Variants in SRRM4 observed in about 807,000 individuals in gnomAD.
The protein encoded by SRRM4 is serine/arginine repetitive matrix protein 4.
In SRRM4, 33 loss-of-function variants were observed where a neutral mutation model predicts 68.9. That is an observed-to-expected ratio of 0.48 (90% CI 0.36 to 0.64). The LOEUF (loss-of-function observed/expected upper bound fraction) is 0.64, where lower values mean the gene tolerates loss of function less well. SRRM4 is among the 30% of genes least tolerant of loss of function. The pLI is 0.00. For synonymous variants in SRRM4, 318 were observed against 318.8 expected (o/e 1.00, Z 0.03); for missense variants, 817 against 827.1 (o/e 0.99, Z 0.15).
chr12:119,049,614 A>G (rs993925601), intron 1 of SRRM4, among the ~76,000 whole-genome samples: 1 of 152,228 alleles, frequency 6.6e-6, no homozygotes. Context: ...AGCTCTTAAT[A>G]CGGAGTCTGA....
At chr12:119,045,809 G>A (rs2136014357) in intron 1 of SRRM4, among the ~76,000 whole-genome samples, 1 of 152,114 alleles carries the variant, frequency 6.6e-6, no homozygotes, top group Non-Finnish European at 1.5e-5. Flanking sequence ...AGGCCAAGGT[G>A]GGCGGATCAC....
At chr12:119,041,237 T>G (rs1189790331) in intron 1 of SRRM4, among the ~76,000 whole-genome samples, 1 of 152,176 alleles carries the variant, frequency 6.6e-6, no homozygotes, top group Admixed American at 6.5e-5. Context: ...AGTGCAGAGC[T>G]ATGATTAAAA....
rs115245878 is a variant in SRRM4, at chr12:119,069,120, G to A, written c.132-33116G>A. 3.8e-3 allele frequency among the ~76,000 whole-genome samples: 571 copies of A among 152,234 alleles called. 12 individuals carry two copies. The highest frequency in any genetic ancestry group is 0.013 in the African/African-American group (533 of 41,538). On this transcript the variant is annotated intron_variant, in intron 1 of 12. Transcript: ENST00000267260. ...TATCCTTGAAGGAAGTTCAAGGTAA[G>A]GCAAAAATAGAAACGGGAGAGCCCT...
At position 119,120,290 on chromosome 12, in the gene SRRM4, T is replaced by A. The variant is rs1275449186; in HGVS notation, c.464+14T>A. ...GAGAAGGCACAGGTAAGACTCTTGTTCTCTGACTGCCTGTTCAATTTTCTG... is the reference window on the plus strand; with the variant it reads ...GAGAAGGCACAGGTAAGACTCTTGTACTCTGACTGCCTGTTCAATTTTCTG... On this transcript the variant is annotated intron_variant, in intron 5 of 12. Coordinates refer to ENST00000267260, the MANE Select transcript of SRRM4 (RefSeq NM_194286.4). 6.4e-7 allele frequency: 1 copy of A among 1,551,050 alleles called. No homozygotes were observed. The highest frequency in any genetic ancestry group is 2.4e-5 in the East Asian group (1 of 40,904).
intron 1 of SRRM4, among the ~76,000 whole-genome samples, chr12:119,002,953 C>G (rs542503538): frequency 1.3e-5 from 2 of 150,514 alleles, no homozygotes; most frequent in South Asian, 4.2e-4. Flanking sequence ...GCTTCAACCT[C>G]GCAACCACCC....
At chr12:119,068,573 G>C (rs1027321311) in intron 1 of SRRM4, among the ~76,000 whole-genome samples, 2 of 152,152 alleles carry the variant, frequency 1.3e-5, no homozygotes, top group African/African-American at 4.8e-5. Flanking sequence ...AAATCACCTT[G>C]AAGAGCCGCT....
At chr12:119,112,795 C>T (rs1183287432) in intron 2 of SRRM4, among the ~76,000 whole-genome samples, 1 of 151,970 alleles carries the variant, frequency 6.6e-6, no homozygotes, top group Non-Finnish European at 1.5e-5. Context: ...CACACTGGGG[C>T]CTGTTGGGGG....
chr12:119,040,503 C>G (rs1462726107), intron 1 of SRRM4, among the ~76,000 whole-genome samples: 1 of 152,210 alleles, frequency 6.6e-6, no homozygotes, highest in Non-Finnish European at 1.5e-5. Context: ...CCAGTCTCAT[C>G]CAGGTCATTG....
chr12:119,126,672 GAGA>G (rs899896475), intron 7 of SRRM4, among the ~76,000 whole-genome samples: 5 of 152,188 alleles, frequency 3.3e-5, no homozygotes, highest in African/African-American at 7.2e-5. Context: ...TCTTGTTGAT[GAGA>G]AGAAGGAGGA....
intron 1 of SRRM4, among the ~76,000 whole-genome samples, chr12:119,018,740 G>C (rs1236429611): frequency 6.6e-6 from 1 of 152,092 alleles, no homozygotes; most frequent in Non-Finnish European, 1.5e-5. Context: ...AGAATCCAAT[G>C]CCTGGTACCC....
chr12:119,010,032 T>C (rs909387221), intron 1 of SRRM4, among the ~76,000 whole-genome samples: 5 of 152,242 alleles, frequency 3.3e-5, no homozygotes, highest in Non-Finnish European at 7.3e-5. Flanking sequence ...AGCTCAGTGC[T>C]TGGCACATAG....
At chr12:119,036,069 T>C (rs1378031582) in intron 1 of SRRM4, among the ~76,000 whole-genome samples, 1 of 152,162 alleles carries the variant, frequency 6.6e-6, no homozygotes, top group East Asian at 1.9e-4. Flanking sequence ...AGATAAGAGA[T>C]AGATGGAGCC....
chr12:119,053,871 T>C (rs1014733047), intron 1 of SRRM4, among the ~76,000 whole-genome samples: 1 of 152,236 alleles, frequency 6.6e-6, no homozygotes, highest in Non-Finnish European at 1.5e-5. Context: ...TAAGCATTTA[T>C]GCTTTGTGTT....
intron 8 of SRRM4, among the ~76,000 whole-genome samples, chr12:119,133,713 T>C (rs1400377734): frequency 1.3e-5 from 2 of 152,230 alleles, no homozygotes; most frequent in Admixed American, 6.5e-5. Flanking sequence ...GTCATTTTCA[T>C]TGAATCACCT....
chr12:119,017,272 C>T (rs1330159803), intron 1 of SRRM4, among the ~76,000 whole-genome samples: 2 of 152,234 alleles, frequency 1.3e-5, no homozygotes, highest in Non-Finnish European at 2.9e-5. Flanking sequence ...CCTTTTTGGA[C>T]TTTACTGTTC....
chr12:119,097,989 G>GAATTA (rs1301288723), intron 1 of SRRM4, among the ~76,000 whole-genome samples: 1 of 152,230 alleles, frequency 6.6e-6, no homozygotes, highest in African/African-American at 2.4e-5. Context: ...AAAGAGTTCA[G>GAATTA]AATTATATTC....
At chr12:119,155,921 C>T (rs2136070997) in intron 12 of SRRM4, among the ~76,000 whole-genome samples, 1 of 152,248 alleles carries the variant, frequency 6.6e-6, no homozygotes, top group Non-Finnish European at 1.5e-5. Flanking sequence ...AGTGGCATTT[C>T]CAAATGGCTG....
At chr12:119,104,111 G>C (rs1375324090) in intron 2 of SRRM4, among the ~76,000 whole-genome samples, 1 of 152,112 alleles carries the variant, frequency 6.6e-6, no homozygotes, top group African/African-American at 2.4e-5. Flanking sequence ...TTCCTCCATG[G>C]GCCTCAGTGT....
intron 1 of SRRM4, among the ~76,000 whole-genome samples, chr12:119,018,716 A>C (rs1252470748): frequency 6.6e-6 from 1 of 152,176 alleles, no homozygotes; most frequent in Non-Finnish European, 1.5e-5. Context: ...CTGGGTGGCC[A>C]CTCGTATTTA....
Sources: gnomAD v4.1 joint callset for allele counts (sites outside exome capture counted in the v4.1 genomes callset) on GRCh38, gnomAD v4.1.1 for gene constraint, MANE v1.5 for transcripts, NCBI Gene and HGNC (gene_info 2026-07-23, HGNC 2026-07-21) for gene names.